The following GRID2 variants were observed in gnomAD, a reference collection of about 807,000 sequenced individuals.
The protein encoded by GRID2 is glutamate ionotropic receptor delta type subunit 2.
A neutral mutation model predicts 114.8 loss-of-function variants in GRID2; 33 were observed. The ratio of observed to expected loss-of-function variants is 0.29; its 90% CI spans 0.22 to 0.38. GRID2 has a LOEUF of 0.38. Ranked by LOEUF, GRID2 falls within the 10% of genes least tolerant of loss-of-function variation. GRID2 has a pLI of 1.00. For missense variants in GRID2, 1,184 were observed against 1,257.7 expected (o/e 0.94, Z 0.89); for synonymous variants, 505 against 449.9 (o/e 1.12, Z -1.55).
intron 2 of GRID2, among the ~76,000 whole-genome samples, chr4:92,997,459 T>C (rs906381677): frequency 6.6e-6 from 1 of 152,144 alleles, no homozygotes; most frequent in Non-Finnish European, 1.5e-5. Flanking sequence ...GAGATATAAA[T>C]TATTAACTCA....
At chr4:93,252,089 T>A (rs1170210311) in intron 8 of GRID2, among the ~76,000 whole-genome samples, 1 of 152,182 alleles carries the variant, frequency 6.6e-6, no homozygotes, top group Admixed American at 6.5e-5. Flanking sequence ...CATTTGTCAA[T>A]TTTTGCTTTT....
chr4:93,582,698 A>G (rs1257778766), intron 13 of GRID2, among the ~76,000 whole-genome samples: 1 of 152,074 alleles, frequency 6.6e-6, no homozygotes, highest in Non-Finnish European at 1.5e-5. Flanking sequence ...CTTACTTGTT[A>G]TGTATTTGTG....
rs1300224125 is a variant in GRID2 at position 93,147,429 on chromosome 4, A to G, written c.735+36476A>G. 2.0e-5 allele frequency among the ~76,000 whole-genome samples: 3 copies of G among 152,336 alleles called. No homozygotes were observed. The East Asian group carries it at 5.8e-4, about 29-fold the overall frequency. ...GTACTCAGATTAAATATAATCTCAA[A>G]GCAATCCTTTTAATTTCAAACTTTG... On this transcript the variant is annotated intron_variant, in intron 4 of 15. Coordinates refer to ENST00000282020, the MANE Select transcript of GRID2 (RefSeq NM_001510.4).
chr4:93,525,821 C>A lies in GRID2; in HGVS notation c.2193+10410C>A, dbSNP rs569552102. Among the ~76,000 whole-genome samples, 4 of 152,220 alleles carry A rather than the reference C, an allele frequency of 2.6e-5. 1 individual carries two copies. The South Asian group carries it at 6.2e-4, about 24-fold the overall frequency. On this transcript the variant is annotated intron_variant, in intron 13 of 15. Transcript: ENST00000282020. ...AGCCTCATACCCAAGTGAAAAAATTCTCCAAAGGATTTTCCAGCTTTCTAG... is the reference window on the plus strand; with the variant it reads ...AGCCTCATACCCAAGTGAAAAAATTATCCAAAGGATTTTCCAGCTTTCTAG...
chr4:93,636,910 G>A (rs886065986), intron 14 of GRID2, among the ~76,000 whole-genome samples: 29 of 152,114 alleles, frequency 1.9e-4, no homozygotes, highest in Admixed American at 2.6e-4. Context: ...CCAGTCCAGT[G>A]TCCCATCCCC....
intron 14 of GRID2, among the ~76,000 whole-genome samples, chr4:93,637,786 C>G (rs1721546749): frequency 6.6e-6 from 1 of 152,110 alleles, no homozygotes; most frequent in Non-Finnish European, 1.5e-5. Flanking sequence ...TCTACTTAAT[C>G]AAAACTTTAA....
rs1722231330 is a variant in GRID2 at position 93,447,824 on chromosome 4, A to G, written c.1546-7838A>G. Among the ~76,000 whole-genome samples the G allele has an allele frequency of 3.3e-5, 5 of 151,956 alleles. No homozygotes were observed. In the South Asian group the frequency reaches 1.0e-3, roughly 31 times the overall value. The stretch of plus-strand genomic sequence containing the variant: ...GGCTGAAAATGAAATCACATACAAA[A>G]AAAGAAAAAACATTCAATATCACTT... On this transcript the variant is annotated intron_variant, in intron 10 of 15. Transcript: ENST00000282020.
intron 11 of GRID2, among the ~76,000 whole-genome samples, chr4:93,456,268 C>T (rs1723179110): frequency 6.6e-6 from 1 of 152,110 alleles, no homozygotes; most frequent in South Asian, 2.1e-4. Context: ...ATTTTCCTCT[C>T]CAAACTCTGA....
chr4:92,630,086 A>C (rs746021529), intron 2 of GRID2, among the ~76,000 whole-genome samples: 1 of 152,028 alleles, frequency 6.6e-6, no homozygotes, highest in Non-Finnish European at 1.5e-5. Flanking sequence ...ACATTTCTGC[A>C]CTCAATATTG....
At chr4:93,710,291 G>A (rs1284560976) in intron 14 of GRID2, among the ~76,000 whole-genome samples, 1 of 152,206 alleles carries the variant, frequency 6.6e-6, no homozygotes, top group Non-Finnish European at 1.5e-5. Flanking sequence ...TACATTAGGG[G>A]GCACCCCAAG....
chr4:92,646,618 TG>T (rs572208412), intron 2 of GRID2, among the ~76,000 whole-genome samples: 2 of 152,362 alleles, frequency 1.3e-5, no homozygotes, highest in South Asian at 4.1e-4. Context: ...TGATGACTGC[TG>T]GGGCTAACAG....
intron 1 of GRID2, among the ~76,000 whole-genome samples, chr4:92,357,436 C>G (rs1256930615): frequency 6.6e-6 from 1 of 151,840 alleles, no homozygotes; most frequent in African/African-American, 2.4e-5. Flanking sequence ...AATCTGCTCT[C>G]TTAGCTTTCC....
At chr4:93,080,404 A>C (rs1729754300) in intron 2 of GRID2, among the ~76,000 whole-genome samples, 2 of 152,216 alleles carry the variant, frequency 1.3e-5, no homozygotes, top group Admixed American at 6.5e-5. Context: ...AACAAATATT[A>C]GATGTTCTGC....
intron 2 of GRID2, among the ~76,000 whole-genome samples, chr4:92,981,924 C>T (rs1331226894): frequency 6.8e-6 from 1 of 147,518 alleles, no homozygotes; most frequent in Non-Finnish European, 1.5e-5. Context: ...TGGAAGTGAA[C>T]GTTGCTGAGT....
At chr4:93,750,605 A>C (rs1329917212) in intron 14 of GRID2, among the ~76,000 whole-genome samples, 1 of 152,058 alleles carries the variant, frequency 6.6e-6, no homozygotes, top group Non-Finnish European at 1.5e-5. Flanking sequence ...AAATACAAAA[A>C]ATTAGCAGGG....
At position 92,784,699 on chromosome 4, in the gene GRID2, T is replaced by C. The variant is rs573457284; in HGVS notation, c.244+194413T>C. ...CTTATAGTACTTAGAAAATAAGTTTTTATATATTTGGGCATTTTTAGGTTA... is the reference window on the plus strand; with the variant it reads ...CTTATAGTACTTAGAAAATAAGTTTCTATATATTTGGGCATTTTTAGGTTA... On this transcript the variant is annotated intron_variant, in intron 2 of 15. Transcript: ENST00000282020. Among the ~76,000 whole-genome samples the C allele has an allele frequency of 6.8e-4, 103 of 152,086 alleles. 1 individual carries two copies. The highest frequency in any genetic ancestry group is 2.5e-3 in the African/African-American group (102 of 41,550).
intron 8 of GRID2, among the ~76,000 whole-genome samples, chr4:93,242,251 A>G (rs1354389712): frequency 6.6e-6 from 1 of 151,916 alleles, no homozygotes; most frequent in Non-Finnish European, 1.5e-5. Flanking sequence ...AACAGTGGAG[A>G]AGTTTCGAAA....
At chr4:93,550,634 C>G (rs953410644) in intron 13 of GRID2, among the ~76,000 whole-genome samples, 1 of 152,174 alleles carries the variant, frequency 6.6e-6, no homozygotes, top group Non-Finnish European at 1.5e-5. Context: ...ATATTCCTAA[C>G]CACTACAAAC....
Position 93,082,496 on chromosome 4 carries a change from T to G in GRID2, c.245-2499T>G, listed in dbSNP as rs1162435585. ...CAGGCCACCACTCTCCCACTCTCTA[T>G]GAGAAACCTGACAAAATGATTTTGG... On this transcript the variant is annotated intron_variant, in intron 2 of 15. Transcript: ENST00000282020. 2.0e-5 allele frequency among the ~76,000 whole-genome samples: 3 copies of G among 152,174 alleles called. No homozygotes were observed. In the East Asian group the frequency reaches 5.8e-4, roughly 29 times the overall value.
Sources: gnomAD v4.1 joint callset for allele counts (sites outside exome capture counted in the v4.1 genomes callset) on GRCh38, gnomAD v4.1.1 for gene constraint, MANE v1.5 for transcripts, NCBI Gene and HGNC (gene_info 2026-07-23, HGNC 2026-07-21) for gene names.